The following RBFOX1 variants were observed in gnomAD, a reference collection of about 807,000 sequenced individuals.
RBFOX1 encodes the protein RNA binding fox-1 homolog 1.
In RBFOX1, 8 loss-of-function variants were observed where a neutral mutation model predicts 57.7. The ratio of observed to expected loss-of-function variants is 0.14; its 90% CI spans 0.08 to 0.25. RBFOX1 has a LOEUF of 0.25. RBFOX1 is among the 10% of genes least tolerant of loss of function. The pLI is 1.00. For missense variants in RBFOX1, 611 were observed against 548.5 expected (o/e 1.11, Z -1.14); for synonymous variants, 326 against 222.4 (o/e 1.47, Z -4.15).
Position 7,372,166 on chromosome 16 carries a change from A to G in RBFOX1, c.28-145981A>G, listed in dbSNP as rs142937638. Among the ~76,000 whole-genome samples the G allele has an allele frequency of 4.6e-3, 700 of 152,260 alleles. 1 individual carries two copies. Among genetic ancestry groups the G allele is most frequent in the Non-Finnish European group, 6.3e-3 (430 of 68,022 alleles). ...TGTGATTCAAAACTTACCTCCTACT[A>G]TATATAATGCTATTCAATTCACATC... On this transcript the variant is annotated intron_variant, in intron 4 of 15. Coordinates refer to ENST00000550418, the MANE Select transcript of RBFOX1 (RefSeq NM_018723.4).
chr16:7,356,082 G>T (rs530269077), intron 4 of RBFOX1, among the ~76,000 whole-genome samples: 7 of 152,316 alleles, frequency 4.6e-5, no homozygotes, highest in Admixed American at 1.3e-4. Context: ...AATACCTGGT[G>T]CTCCAATGCA....
intron 2 of RBFOX1, among the ~76,000 whole-genome samples, chr16:6,397,306 G>A (rs971426322): frequency 6.6e-6 from 1 of 152,120 alleles, no homozygotes; most frequent in Non-Finnish European, 1.5e-5. Flanking sequence ...GTGAAAAAGA[G>A]GCATTTCCTA....
At chr16:7,548,781 G>C (rs752217064) in intron 5 of RBFOX1, among the ~76,000 whole-genome samples, 2 of 152,196 alleles carry the variant, frequency 1.3e-5, no homozygotes. Flanking sequence ...CCTCTGTCTG[G>C]AGTTGTCAGC....
At chr16:6,977,433 C>T (rs2087330589) in intron 3 of RBFOX1, among the ~76,000 whole-genome samples, 1 of 152,044 alleles carries the variant, frequency 6.6e-6, no homozygotes, top group Non-Finnish European at 1.5e-5. Flanking sequence ...TACTTGTTCC[C>T]TTAACCATAC....
chr16:6,983,286 G>A (rs2089436477), intron 3 of RBFOX1, among the ~76,000 whole-genome samples: 1 of 152,114 alleles, frequency 6.6e-6, no homozygotes, highest in Non-Finnish European at 1.5e-5. Context: ...ATGATGTGCA[G>A]TTGTCTATCC....
chr16:7,098,981 T>C (rs1053885696), intron 4 of RBFOX1, among the ~76,000 whole-genome samples: 2 of 152,172 alleles, frequency 1.3e-5, no homozygotes, highest in Non-Finnish European at 2.9e-5. Flanking sequence ...ATTGGTCTTT[T>C]TGATTGATGG....
intron 3 of RBFOX1, among the ~76,000 whole-genome samples, chr16:6,806,836 A>ATATATATATTT (rs754342591): frequency 2.1e-4 from 19 of 91,874 alleles, no homozygotes; most frequent in Non-Finnish European, 2.7e-4. Flanking sequence ...ATATATATAT[A>ATATATATATTT]TTTTTTTTTT....
intron 3 of RBFOX1, among the ~76,000 whole-genome samples, chr16:5,796,037 C>A (rs2054867497): frequency 1.3e-5 from 2 of 152,190 alleles, no homozygotes; most frequent in South Asian, 4.1e-4. Flanking sequence ...ATTTCCATAG[C>A]AGTTGAATCT....
intron 1 of RBFOX1, among the ~76,000 whole-genome samples, chr16:5,249,323 C>T (rs1272084392): frequency 1.3e-5 from 2 of 152,194 alleles, no homozygotes; most frequent in African/African-American, 2.4e-5. Context: ...ACTGTGCCCC[C>T]CACCTTGTCC....
At chr16:6,784,873 T>A (rs2081654708) in intron 3 of RBFOX1, among the ~76,000 whole-genome samples, 1 of 152,122 alleles carries the variant, frequency 6.6e-6, no homozygotes, top group African/African-American at 2.4e-5. Context: ...GTATAAGAGC[T>A]AAGTGAAGGT....
At chr16:6,362,790 C>G (rs1165342726) in intron 2 of RBFOX1, among the ~76,000 whole-genome samples, 2 of 152,136 alleles carry the variant, frequency 1.3e-5, no homozygotes, top group Non-Finnish European at 2.9e-5. Flanking sequence ...GCCGTTATAG[C>G]CAAACATCAC....
At chr16:6,547,240 T>C (rs2096909131) in intron 2 of RBFOX1, among the ~76,000 whole-genome samples, 1 of 152,222 alleles carries the variant, frequency 6.6e-6, no homozygotes, top group African/African-American at 2.4e-5. Context: ...ATCTGTTTTT[T>C]CTTCCTCCTC....
intron 4 of RBFOX1, among the ~76,000 whole-genome samples, chr16:7,145,285 G>C (rs1344284981): frequency 2.0e-5 from 3 of 152,072 alleles, no homozygotes; most frequent in African/African-American, 7.2e-5. Flanking sequence ...GTTCACTGCA[G>C]CCTCAACTTC....
intron 5 of RBFOX1, among the ~76,000 whole-genome samples, chr16:7,566,590 G>A (rs998927702): frequency 2.6e-5 from 4 of 152,092 alleles, no homozygotes; most frequent in African/African-American, 4.8e-5. Flanking sequence ...ATGGCGACTC[G>A]GTAAAATAAG....
At chr16:6,825,403 C>G (rs7190693) in intron 3 of RBFOX1, among the ~76,000 whole-genome samples, 1 of 151,632 alleles carries the variant, frequency 6.6e-6, no homozygotes, top group Non-Finnish European at 1.5e-5. Context: ...AACGGAAAAG[C>G]CAGAGATTAT....
intron 2 of RBFOX1, among the ~76,000 whole-genome samples, chr16:6,519,721 A>T (rs145101628): frequency 1.2e-3 from 184 of 151,810 alleles, no homozygotes; most frequent in African/African-American, 4.2e-3. Context: ...ATAGAAGAAA[A>T]CTCTGCGAGA....
rs1417154233 is a variant in RBFOX1 at position 7,504,775 on chromosome 16, A to ATATATATATATT, written c.28-13360_28-13349dup. Among the ~76,000 whole-genome samples, 127 of 14,214 alleles carry ATATATATATATT rather than the reference A, an allele frequency of 8.9e-3. 10 individuals are homozygous for ATATATATATATT. Among genetic ancestry groups the ATATATATATATT allele is most frequent in the Middle Eastern group, 0.042 (1 of 24 alleles). The allele number at this position is 14,214 out of a possible 152,430, so 9.3% of individuals were successfully genotyped here. A position where few individuals can be genotyped will look rare whatever the true frequency, so the allele number is the denominator to read the frequency against. ...TATATTTATATATATATATATTTAT[A>ATATATATATATT]TATATATATATTTATATATATATAT... On this transcript the variant is annotated intron_variant, in intron 4 of 15. Coordinates refer to ENST00000550418, the MANE Select transcript of RBFOX1 (RefSeq NM_018723.4).
chr16:5,978,657 G>GT (rs76012820), intron 4 of RBFOX1, among the ~76,000 whole-genome samples: 49,377 of 148,652 alleles, frequency 0.33, 8,480 homozygotes, highest in African/African-American at 0.43. Context: ...GTCTCAAAGT[G>GT]TTTTTTTTGT....
rs55870313 is a variant in RBFOX1, at chr16:6,244,920, A to AGTTTTGTTTT, written c.-126-72044_-126-72035dup. Among the ~76,000 whole-genome samples, 1,489 of 150,190 alleles carry AGTTTTGTTTT rather than the reference A, an allele frequency of 9.9e-3. 12 individuals are homozygous for AGTTTTGTTTT. Among genetic ancestry groups the AGTTTTGTTTT allele is most frequent in the Non-Finnish European group, 0.015 (993 of 67,344 alleles). The stretch of plus-strand genomic sequence containing the variant: ...GTGTCCTTTGGCAAACTGAATACCC[A>AGTTTTGTTTT]GTTTTGTTTTGTTTTGTTTTGTTTT... On this transcript the variant is annotated intron_variant, in intron 1 of 15. Transcript: ENST00000550418.
Sources: allele counts gnomAD v4.1 joint callset (sites outside exome capture counted in the v4.1 genomes callset), GRCh38; gene constraint gnomAD v4.1.1; transcripts MANE v1.5; gene names NCBI Gene and HGNC (gene_info 2026-07-23, HGNC 2026-07-21).